SOBP: variants seen among roughly 807,000 people sequenced by gnomAD.
SOBP encodes sine oculis-binding protein homolog.
A neutral mutation model predicts 53.6 loss-of-function variants in SOBP; 4 were observed. The ratio of observed to expected loss-of-function variants is 0.07; its 90% confidence interval spans 0.04 to 0.17. The LOEUF (loss-of-function observed/expected upper bound fraction) is 0.17, where lower values mean the gene tolerates loss of function less well. Among genes scored for constraint, SOBP ranks in the 10% least tolerant of loss-of-function variants. SOBP has a pLI of 1.00. For missense variants in SOBP, 1,088 were observed against 1,204.7 expected (o/e 0.90, Z 1.43); for synonymous variants, 584 against 522.6 (o/e 1.12, Z -1.60).
intron 4 of SOBP, among the ~76,000 whole-genome samples, chr6:107,556,951 A>G (rs574883786): frequency 2.2e-4 from 34 of 152,360 alleles, no homozygotes; most frequent in African/African-American, 7.5e-4. Context: ...AAATTAATTG[A>G]TAGTATGTCA....
At chr6:107,651,110 A>G (rs774367872) in intron 6 of SOBP, among the ~76,000 whole-genome samples, 3 of 152,140 alleles carry the variant, frequency 2.0e-5, no homozygotes, top group African/African-American at 7.2e-5. Flanking sequence ...TACAAAAAAT[A>G]TGAAAAATTA....
At chr6:107,579,204 A>G (rs1284567798) in intron 4 of SOBP, among the ~76,000 whole-genome samples, 2 of 152,146 alleles carry the variant, frequency 1.3e-5, no homozygotes, top group Non-Finnish European at 2.9e-5. Context: ...GAGCCTGGAT[A>G]ATCCAGTGTC....
Position 107,610,401 on chromosome 6 carries a change from G to A in SOBP, c.670-23113G>A, listed in dbSNP as rs77738768. Among the ~76,000 whole-genome samples the A allele has an allele frequency of 8.1e-3, 1,230 of 152,268 alleles. 20 individuals carry two copies. Among genetic ancestry groups the A allele is most frequent in the East Asian group, 0.055 (286 of 5,172 alleles). On this transcript the variant is annotated intron_variant, in intron 5 of 6. Coordinates refer to ENST00000317357, the MANE Select transcript of SOBP (RefSeq NM_018013.4). Reference sequence around the variant, plus strand: ...TACCAGAGGGGACTGGCCCACAGAGGCAGCAGGGAGTGAGAGGCAGTGATC... The same window carrying A: ...TACCAGAGGGGACTGGCCCACAGAGACAGCAGGGAGTGAGAGGCAGTGATC...
intron 3 of SOBP, among the ~76,000 whole-genome samples, chr6:107,526,922 A>G (rs1161169150): frequency 6.6e-6 from 1 of 152,244 alleles, no homozygotes; most frequent in Non-Finnish European, 1.5e-5. Context: ...GACTATTTAA[A>G]TTCTTGAAAT....
intron 4 of SOBP, among the ~76,000 whole-genome samples, chr6:107,535,742 A>G (rs1783979032): frequency 6.6e-6 from 1 of 151,352 alleles, no homozygotes. Context: ...ATATTGTCTT[A>G]CAATAAACAT....
chr6:107,589,708 T>C (rs1785682766), intron 5 of SOBP, among the ~76,000 whole-genome samples: 1 of 152,246 alleles, frequency 6.6e-6, no homozygotes, highest in Non-Finnish European at 1.5e-5. Context: ...AGTCTCCTTA[T>C]GCTTTTTATT....
intron 1 of SOBP, among the ~76,000 whole-genome samples, chr6:107,499,152 T>A (rs1399863480): frequency 2.6e-5 from 4 of 152,208 alleles, no homozygotes; most frequent in African/African-American, 9.6e-5. Context: ...GGTAGCTTCT[T>A]TGCAATTGCG....
At chr6:107,596,263 T>C (rs1049307977) in intron 5 of SOBP, among the ~76,000 whole-genome samples, 7 of 152,106 alleles carry the variant, frequency 4.6e-5, no homozygotes, top group African/African-American at 1.7e-4. Context: ...CATTGTTTAA[T>C]TGCCAGTGGC....
At chr6:107,603,751 C>T (rs1786268649) in intron 5 of SOBP, among the ~76,000 whole-genome samples, 1 of 152,154 alleles carries the variant, frequency 6.6e-6, no homozygotes, top group South Asian at 2.1e-4. Flanking sequence ...TCATAAGTTT[C>T]TGAGAAAGCA....
chr6:107,542,403 T>A (rs190416729), intron 4 of SOBP, among the ~76,000 whole-genome samples: 65 of 152,300 alleles, frequency 4.3e-4, no homozygotes, highest in South Asian at 2.7e-3. Context: ...TGGAGCGGAA[T>A]GATCAAGGTG....
chr6:107,590,403 C>G (rs1785704580), intron 5 of SOBP, among the ~76,000 whole-genome samples: 1 of 152,106 alleles, frequency 6.6e-6, no homozygotes, highest in Non-Finnish European at 1.5e-5. Context: ...CAAAATATAA[C>G]CAAAGAACAA....
chr6:107,558,542 A>G (rs1253984030), intron 4 of SOBP, among the ~76,000 whole-genome samples: 1 of 152,122 alleles, frequency 6.6e-6, no homozygotes, highest in Non-Finnish European at 1.5e-5. Flanking sequence ...TGCTGGGATT[A>G]CAGGTGTGAG....
chr6:107,539,060 G>C (rs74516576), intron 4 of SOBP, among the ~76,000 whole-genome samples: 5 of 152,254 alleles, frequency 3.3e-5, no homozygotes, highest in Non-Finnish European at 5.9e-5. Flanking sequence ...CTTGGGGAGA[G>C]GTATGTGACC....
chr6:107,521,651 T>A (rs558767411), intron 3 of SOBP, among the ~76,000 whole-genome samples: 1 of 152,196 alleles, frequency 6.6e-6, no homozygotes, highest in Non-Finnish European at 1.5e-5. Flanking sequence ...TATGAATAAA[T>A]GCTGCCATGA....
chr6:107,506,451 G>A (rs779646312), intron 3 of SOBP, 24 bp downstream of exon 3: 6 of 1,611,264 alleles, frequency 3.7e-6, no homozygotes, highest in East Asian at 4.5e-5. Context: ...GGTGTTTTCA[G>A]TGATAACAAT....
chr6:107,529,490 ATACT>A, intron 3 of SOBP: 1 of 985,422 alleles, frequency 1.0e-6, no homozygotes, highest in Non-Finnish European at 1.2e-6. Context: ...GTCCCAGCAA[ATACT>A]TTCGGAATTT....
intron 3 of SOBP, among the ~76,000 whole-genome samples, chr6:107,508,855 G>A (rs1024529747): frequency 2.0e-4 from 30 of 152,170 alleles, no homozygotes; most frequent in African/African-American, 7.0e-4. Flanking sequence ...TAGAGTTTAC[G>A]TTTGAATATA....
chr6:107,631,350 G>T (rs1026135964), intron 5 of SOBP, among the ~76,000 whole-genome samples: 5 of 152,092 alleles, frequency 3.3e-5, no homozygotes, highest in African/African-American at 9.7e-5. Flanking sequence ...TGCACTGCAG[G>T]CTTTCTATGG....
chr6:107,537,056 T>C (rs1784020611), intron 4 of SOBP, among the ~76,000 whole-genome samples: 1 of 152,232 alleles, frequency 6.6e-6, no homozygotes, highest in Non-Finnish European at 1.5e-5. Flanking sequence ...CTTGAGAGCA[T>C]TTCTGTCCTT....
Sources: allele counts gnomAD v4.1 joint callset (sites outside exome capture counted in the v4.1 genomes callset), GRCh38; gene constraint gnomAD v4.1.1; transcripts MANE v1.5; gene names NCBI Gene and HGNC (gene_info 2026-07-23, HGNC 2026-07-21).